VGLL4: variants seen among roughly 807,000 people sequenced by gnomAD.
VGLL4 encodes vestigial like family member 4, also known as transcription cofactor vestigial-like protein 4.
In VGLL4, 7 loss-of-function variants were observed where a neutral mutation model predicts 21.0. The ratio of observed to expected loss-of-function variants is 0.33; its 90% confidence interval spans 0.19 to 0.63. VGLL4 has a LOEUF of 0.63. VGLL4 is among the 20% of genes least tolerant of loss of function. The pLI is 0.78. For synonymous variants in VGLL4, 222 were observed against 173.2 expected (o/e 1.28, Z -2.21); for missense variants, 394 against 425.7 (o/e 0.93, Z 0.66).
intron 1 of VGLL4, among the ~76,000 whole-genome samples, chr3:11,642,897 T>C (rs763307820): frequency 1.3e-5 from 2 of 152,120 alleles, no homozygotes; most frequent in Non-Finnish European, 2.9e-5. Flanking sequence ...AGCCCGCCTG[T>C]GCTCGCTGAC....
intron 1 of VGLL4, among the ~76,000 whole-genome samples, chr3:11,623,749 CTT>C (rs1553732720): frequency 4.0e-5 from 5 of 123,554 alleles, no homozygotes; most frequent in Non-Finnish European, 5.3e-5. Context: ...TGAAAATTTT[CTT>C]TTTTTTTTTT....
intron 1 of VGLL4, among the ~76,000 whole-genome samples, chr3:11,606,988 C>G (rs1444733222): frequency 6.6e-6 from 1 of 152,172 alleles, no homozygotes; most frequent in Admixed American, 6.5e-5. Flanking sequence ...CCAGAAGGAA[C>G]CAACTCCGGA....
At chr3:11,632,468 C>T (rs1575475292) in intron 1 of VGLL4, among the ~76,000 whole-genome samples, 1 of 152,054 alleles carries the variant, frequency 6.6e-6, no homozygotes, top group Non-Finnish European at 1.5e-5. Context: ...GTGACAGATA[C>T]AATGGAGTGA....
At chr3:11,638,642 C>G (rs1262056204) in intron 1 of VGLL4, among the ~76,000 whole-genome samples, 1 of 152,110 alleles carries the variant, frequency 6.6e-6, no homozygotes, top group Non-Finnish European at 1.5e-5. Context: ...TACAGATGTT[C>G]TACCTCGGAA....
At chr3:11,645,207 A>C (rs1366142667), upstream of VGLL4, among the ~76,000 whole-genome samples, 6 of 151,396 alleles carry the variant, frequency 4.0e-5, no homozygotes, top group East Asian at 5.8e-4. Flanking sequence ...AAAAACAAAA[A>C]CTAAACATTT....
At chr3:11,615,737 C>A (rs2075149511) in intron 1 of VGLL4, among the ~76,000 whole-genome samples, 1 of 152,134 alleles carries the variant, frequency 6.6e-6, no homozygotes, top group Non-Finnish European at 1.5e-5. Flanking sequence ...CAGAGCTAAG[C>A]TGGATTAAAG....
At chr3:11,655,789 G>A (rs2075948930) in intron 2 of VGLL4, among the ~76,000 whole-genome samples, 1 of 152,184 alleles carries the variant, frequency 6.6e-6, no homozygotes, top group Non-Finnish European at 1.5e-5. Context: ...ATAGGAGCCT[G>A]CCCTCAGAGG....
intron 2 of VGLL4, among the ~76,000 whole-genome samples, chr3:11,688,263 G>C (rs2076479232): frequency 6.6e-6 from 1 of 151,764 alleles, no homozygotes; most frequent in South Asian, 2.1e-4. Context: ...TGTTTTATTT[G>C]GCTTTAGTAT....
At chr3:11,650,485 T>C (rs1222206585) in intron 2 of VGLL4, among the ~76,000 whole-genome samples, 2 of 152,202 alleles carry the variant, frequency 1.3e-5, no homozygotes, top group African/African-American at 4.8e-5. Context: ...CAGACATTTA[T>C]TTAAAATAAA....
chr3:11,658,972 G>A (rs1368127580), intron 2 of VGLL4, among the ~76,000 whole-genome samples: 5 of 152,216 alleles, frequency 3.3e-5, no homozygotes, highest in East Asian at 1.9e-4. Flanking sequence ...AGCACCTCCA[G>A]GCGTCAGGCA....
intron 2 of VGLL4, among the ~76,000 whole-genome samples, chr3:11,675,742 C>T (rs913650833): frequency 1.3e-5 from 2 of 152,176 alleles, no homozygotes; most frequent in Non-Finnish European, 2.9e-5. Flanking sequence ...CAATAAACAT[C>T]ATTTAGTTAA....
chr3:11,561,395 A>G (rs1331033779), intron 3 of VGLL4, among the ~76,000 whole-genome samples: 1 of 152,176 alleles, frequency 6.6e-6, no homozygotes, highest in African/African-American at 2.4e-5. Flanking sequence ...CCTTCAGGGC[A>G]TCTCCTGACC....
rs1381072804 is a variant in VGLL4, at chr3:11,656,209, C to T, written c.64+46762G>A. 3.3e-5 allele frequency among the ~76,000 whole-genome samples: 5 copies of T among 152,316 alleles called. No homozygotes were observed. The East Asian group carries it at 9.7e-4, about 29-fold the overall frequency. On this transcript the variant is annotated intron_variant, in intron 2 of 5. Transcript: ENST00000273038. Reference sequence around the variant, plus strand: ...GAACAGGCCTACCAGGGAGCACACACGACAGACGAGGTCCATTCACCACAC... The same window carrying T: ...GAACAGGCCTACCAGGGAGCACACATGACAGACGAGGTCCATTCACCACAC...
chr3:11,652,201 C>T (rs2075881933), intron 2 of VGLL4, among the ~76,000 whole-genome samples: 1 of 152,058 alleles, frequency 6.6e-6, no homozygotes, highest in Non-Finnish European at 1.5e-5. Context: ...GCCTGATGTG[C>T]ATTATATTTC....
intron 1 of VGLL4, among the ~76,000 whole-genome samples, chr3:11,641,199 A>G (rs751658066): frequency 6.6e-6 from 1 of 151,976 alleles, no homozygotes; most frequent in Non-Finnish European, 1.5e-5. Flanking sequence ...GGAATATGGT[A>G]TAATTTAGCT....
intron 1 of VGLL4, among the ~76,000 whole-genome samples, chr3:11,639,752 T>A (rs2075653494): frequency 6.6e-6 from 1 of 152,210 alleles, no homozygotes; most frequent in South Asian, 2.1e-4. Context: ...GGGCACCTAC[T>A]GTAATCCCAG....
chr3:11,558,291 T>C lies in VGLL4; in HGVS notation c.*265A>G, dbSNP rs1448642572. The C allele has an allele frequency of 3.6e-6, 2 of 559,844 alleles. No homozygotes were observed. The highest frequency in any genetic ancestry group is 3.7e-5 in the African/African-American group (2 of 53,430). 34.7% of individuals were successfully genotyped at this position (559,844 alleles called of 1,614,324 possible). A position where few individuals can be genotyped will look rare whatever the true frequency, so the allele number is the denominator to read the frequency against. Reference sequence around the variant, plus strand: ...CAGCAGACCTGCATCAGAGGTTTCTTTGGTAACTGAGGCAGGAAGTAAGGA... The same window carrying C: ...CAGCAGACCTGCATCAGAGGTTTCTCTGGTAACTGAGGCAGGAAGTAAGGA... On this transcript the variant is annotated 3_prime_UTR_variant, in exon 5 of 5. Transcript: ENST00000430365.
intron 2 of VGLL4, among the ~76,000 whole-genome samples, chr3:11,577,576 G>C (rs945319004): frequency 6.6e-6 from 1 of 152,144 alleles, no homozygotes; most frequent in Non-Finnish European, 1.5e-5. Flanking sequence ...CTGAACAACA[G>C]AGCAAGACCC....
intron 2 of VGLL4, among the ~76,000 whole-genome samples, chr3:11,682,601 T>C (rs1395274557): frequency 6.6e-6 from 1 of 152,068 alleles, no homozygotes; most frequent in Non-Finnish European, 1.5e-5. Flanking sequence ...CTTTCTCTGA[T>C]GCTATTGAAA....
Sources: allele counts gnomAD v4.1 joint callset (sites outside exome capture counted in the v4.1 genomes callset), GRCh38; gene constraint gnomAD v4.1.1; transcripts MANE v1.5; gene names NCBI Gene and HGNC (gene_info 2026-07-23, HGNC 2026-07-21).